The following CEP152 variants were observed in gnomAD, a reference collection of about 807,000 sequenced individuals.
CEP152 encodes the protein centrosomal protein of 152 kDa.
In CEP152, 132 loss-of-function variants were observed where a neutral mutation model predicts 188.9. The ratio of observed to expected loss-of-function variants is 0.70; its 90% CI spans 0.61 to 0.81. The LOEUF is 0.81. Among genes scored for constraint, CEP152 ranks in the 30% least tolerant of loss-of-function variants. The pLI is 0.00. For synonymous variants in CEP152, 649 were observed against 666.6 expected (o/e 0.97, Z 0.41); for missense variants, 1,914 against 1,969.8 (o/e 0.97, Z 0.54).
At chr15:48,788,490 C>T (rs1280180064) in intron 9 of CEP152, among the ~76,000 whole-genome samples, 2 of 151,356 alleles carry the variant, frequency 1.3e-5, no homozygotes, top group African/African-American at 4.9e-5. Flanking sequence ...CGCACCACTG[C>T]GCCCGGCTAA....
At chr15:48,745,795 CTT>C (rs1266138549) in intron 22 of CEP152, among the ~76,000 whole-genome samples, 3 of 152,170 alleles carry the variant, frequency 2.0e-5, no homozygotes, top group Non-Finnish European at 4.4e-5. Context: ...TACATTCTAA[CTT>C]TGCTGCTTAC....
In CEP152 at chr15:48,769,032, G is replaced by A; in HGVS notation, c.1832C>T (p.Ser611Phe). 6.2e-7 allele frequency: 1 copy of A among 1,604,178 alleles called. No homozygotes were observed. Among genetic ancestry groups the A allele is most frequent in the African/African-American group, 1.3e-5 (1 of 74,784 alleles). ...EKPKNQLWPE[S>F]STSDVVRDDI... ...ATCTCTGACAACATCAGAAGTAGAA[G>A]ACTCAGGCCATAATTGATTCTTTGG... Residue 611 changes from serine (S) to phenylalanine (F), a missense_variant, in exon 14 of 27, where the codon TCT becomes TTT. Coordinates refer to ENST00000380950, the MANE Select transcript of CEP152 (RefSeq NM_001194998.2).
At chr15:48,791,859 A>C (rs1459804126) in intron 7 of CEP152, among the ~76,000 whole-genome samples, 3 of 151,970 alleles carry the variant, frequency 2.0e-5, no homozygotes, top group African/African-American at 4.8e-5. Context: ...AAAAAAAAAA[A>C]CAAACCTGAT....
chr15:48,751,129 A>G (rs1893845949), intron 21 of CEP152, among the ~76,000 whole-genome samples: 1 of 152,232 alleles, frequency 6.6e-6, no homozygotes, highest in Non-Finnish European at 1.5e-5. Context: ...TTATCACTTA[A>G]TACATGTTTT....
chr15:48,788,852 T>G lies in CEP152; in HGVS notation c.1122A>C (p.Val374=). 3 of 1,614,206 alleles carry G rather than the reference T, an allele frequency of 1.9e-6. No homozygotes were observed. Among genetic ancestry groups the G allele is most frequent in the Non-Finnish European group, 2.5e-6 (3 of 1,180,026 alleles). Reference sequence around the variant, plus strand: ...CATCCAAATTCTTTTGTAAGGACAATACTTGCTCTTCGTACTTCTTTGTGA... The same window carrying G: ...CATCCAAATTCTTTTGTAAGGACAAGACTTGCTCTTCGTACTTCTTTGTGA... ...MGLTKKYEEQ[V]LSLQKNLDAT... The change falls in exon 9 of 27, where the codon GTA becomes GTC. Residue 374 remains valine, a synonymous_variant. Transcript: ENST00000380950.
At position 48,784,218 on chromosome 15, in the gene CEP152, C is replaced by T. The variant is rs1896471341; in HGVS notation, c.1174-98G>A. ...ACATAATTAGATTTGATGTCAAACA[C>T]AAGATCATCACATGGGAGCATCACC... is the stretch of plus-strand genomic sequence containing the variant. On this transcript the variant is annotated intron_variant, in intron 9 of 26. Coordinates refer to ENST00000380950, the MANE Select transcript of CEP152 (RefSeq NM_001194998.2). 9 of 1,186,870 alleles carry T rather than the reference C, an allele frequency of 7.6e-6. No homozygotes were observed. In the South Asian group the frequency reaches 1.1e-4, roughly 14 times the overall value. The allele number at this position is 1,186,870 out of a possible 1,614,324, so 73.5% of individuals were successfully genotyped here.
At chr15:48,750,693 A>G (rs1893804856) in intron 21 of CEP152, among the ~76,000 whole-genome samples, 1 of 152,202 alleles carries the variant, frequency 6.6e-6, no homozygotes, top group African/African-American at 2.4e-5. Flanking sequence ...GCATCAACAC[A>G]GACAAATCTT....
rs750160029 is a variant in CEP152 at position 48,772,562 on chromosome 15, A to T, written c.1707T>A (p.Asn569Lys). The T allele has an allele frequency of 1.5e-5, 24 of 1,613,892 alleles. No individual in the cohort carries two copies. The highest frequency in any genetic ancestry group is 1.6e-4 in the Middle Eastern group (1 of 6,084). ...MKRHLVSQLQ[N>K]DLKDCHKKIE... is the part of the protein sequence containing the mutation. The stretch of plus-strand genomic sequence containing the variant: ...TTTTCTTATGACAGTCTTTGAGGTC[A>T]TTTTGTAACTGAGACACCAGATGAC... Residue 569 changes from asparagine (N) to lysine (K), a missense_variant, in exon 13 of 27, where the codon AAT becomes AAA. Coordinates refer to ENST00000380950, the MANE Select transcript of CEP152 (RefSeq NM_001194998.2).
intron 21 of CEP152, among the ~76,000 whole-genome samples, chr15:48,750,857 G>C (rs1404162877): frequency 6.6e-6 from 1 of 152,092 alleles, no homozygotes; most frequent in African/African-American, 2.4e-5. Flanking sequence ...TTGAAAATCA[G>C]AATATTTGTT....
intron 17 of CEP152, chr15:48,765,659 TTTTTTTTTTTG>T: frequency 2.6e-6 from 1 of 391,422 alleles, no homozygotes; most frequent in African/African-American, 2.7e-5. Flanking sequence ...TTTTTTTTTT[TTTTTTTTTTTG>T]AGAGACGGAG....
In CEP152 at chr15:48,767,407, C is replaced by T. The variant is rs1170507704; in HGVS notation, c.2075G>A (p.Ser692Asn). Reference sequence around the variant, plus strand: ...CTCCAAAGCATGCTTTGCTAATAGGCTTTCACGTATTTGAGTTTTCATGGC... The same window carrying T: ...CTCCAAAGCATGCTTTGCTAATAGGTTTTCACGTATTTGAGTTTTCATGGC... ...HEAMKTQIRE[S>N]LLAKHALEKQ... Residue 692 changes from serine (S) to asparagine (N), a missense_variant, in exon 16 of 27, where the codon AGC becomes AAC. Coordinates refer to ENST00000380950, the MANE Select transcript of CEP152 (RefSeq NM_001194998.2). 3 of 1,614,166 alleles carry T rather than the reference C, an allele frequency of 1.9e-6. No homozygotes were observed. Among genetic ancestry groups the T allele is most frequent in the Non-Finnish European group, 2.5e-6 (3 of 1,180,022 alleles).
At chr15:48,763,599 G>A (rs889215302) in intron 17 of CEP152, among the ~76,000 whole-genome samples, 1 of 151,588 alleles carries the variant, frequency 6.6e-6, no homozygotes, top group African/African-American at 2.4e-5. Context: ...ACTTGAACTC[G>A]GGAGGTGGAG....
intron 22 of CEP152, among the ~76,000 whole-genome samples, chr15:48,746,618 A>G (rs1339497582): frequency 6.6e-6 from 1 of 152,178 alleles, no homozygotes; most frequent in Admixed American, 6.5e-5. Context: ...TAAGTGCCTT[A>G]GTAATAAGCA....
intron 19 of CEP152, among the ~76,000 whole-genome samples, chr15:48,759,696 G>A (rs1027899846): frequency 2.0e-5 from 3 of 152,144 alleles, no homozygotes; most frequent in African/African-American, 4.8e-5. Context: ...AGTTGGAAGA[G>A]TACACATGGT....
Position 48,738,843 on chromosome 15 carries a change from A to G in CEP152, c.4539T>C (p.Gly1513=), listed in dbSNP as rs1313871862. The G allele has an allele frequency of 6.2e-7, 1 of 1,614,218 alleles. No individual in the cohort carries two copies. The change falls in exon 27 of 27, where the codon GGT becomes GGC. Residue 1513 remains glycine (G), a synonymous_variant. Coordinates refer to ENST00000380950, the MANE Select transcript of CEP152 (RefSeq NM_001194998.2). The part of the protein sequence containing the change: ...GNKPSPRCTP[G]PSESGCMHIT... ...TATGCATGCATCCTGATTCAGAAGG[A>G]CCAGGGGTACATCTAGGTGAGGGTT...
At chr15:48,801,185 C>CA (rs1334635829) in intron 2 of CEP152, among the ~76,000 whole-genome samples, 1 of 152,070 alleles carries the variant, frequency 6.6e-6, no homozygotes, top group African/African-American at 2.4e-5. Flanking sequence ...CTGATATTTT[C>CA]AAATATGAAT....
Position 48,811,027 on chromosome 15 carries a change from T to C in CEP152, c.-74A>G, listed in dbSNP as rs953884106. ...TGGCGGAAGACCAACTTCTAGCAGA[T>C]CCCCTTACCCTGGCTCTAGTCCACT... On this transcript the variant is annotated 5_prime_UTR_variant, in exon 1 of 27. Coordinates refer to ENST00000380950, the MANE Select transcript of CEP152 (RefSeq NM_001194998.2). 1 of 152,464 alleles carries C rather than the reference T, an allele frequency of 6.6e-6. No individual in the cohort carries two copies. The highest frequency in any genetic ancestry group is 2.4e-5 in the African/African-American group (1 of 41,482). The allele number at this position is 152,464 out of a possible 1,614,324, so 9.4% of individuals were successfully genotyped here. A position where few individuals can be genotyped will look rare whatever the true frequency, so the allele number is the denominator to read the frequency against.
At chr15:48,803,318 T>C (rs1373235109) in intron 2 of CEP152, among the ~76,000 whole-genome samples, 1 of 152,112 alleles carries the variant, frequency 6.6e-6, no homozygotes, top group Non-Finnish European at 1.5e-5. Flanking sequence ...ACTGAGACAG[T>C]TAAAAAAAAC....
intron 13 of CEP152, among the ~76,000 whole-genome samples, chr15:48,771,025 T>G (rs1895489201): frequency 6.6e-6 from 1 of 152,000 alleles, no homozygotes; most frequent in Non-Finnish European, 1.5e-5. Flanking sequence ...GGAAAAGGAG[T>G]ATACTACCCA....
Sources: gnomAD v4.1 joint callset for allele counts (sites outside exome capture counted in the v4.1 genomes callset) on GRCh38, gnomAD v4.1.1 for gene constraint, MANE v1.5 for transcripts, NCBI Gene and HGNC (gene_info 2026-07-23, HGNC 2026-07-21) for gene names.